TSC22D2: variants seen among roughly 807,000 people sequenced by gnomAD.
The protein encoded by TSC22D2 is TSC22 domain family protein 2.
TSC22D2 carries 5 observed loss-of-function variants against 50.1 expected under a neutral mutation model. The observed-to-expected ratio is 0.10, with a 90% CI of 0.05 to 0.21. The LOEUF (loss-of-function observed/expected upper bound fraction) is 0.21. TSC22D2 is among the 10% of genes least tolerant of loss of function. The probability of loss-of-function intolerance (pLI) is 1.00; values close to 1 mark genes in which losing one functional copy is unlikely to be tolerated. For synonymous variants in TSC22D2, 501 were observed against 450.1 expected (o/e 1.11, Z -1.43); for missense variants, 1,003 against 1,015.5 (o/e 0.99, Z 0.17).
rs776123840 is a variant in TSC22D2, at chr3:150,410,268, G to T, written c.918G>T (p.Met306Ile). Residue 306 changes from methionine to isoleucine, a missense_variant, in exon 1 of 3, where the codon ATG becomes ATT. Physicochemically the swap from Met to Ile is conservative, Grantham distance 10. This residue lies in a region of TSC22D2 where 696 missense variants were observed against 647.8 expected (regional missense o/e 1.07). Transcript: ENST00000688009. ...PGAATGPQPMMAAAQPSQPQG... is the reference protein window; with the variant it reads ...PGAATGPQPMIAAAQPSQPQG... ...CCGCGACCGGGCCGCAGCCAATGAT[G>T]GCAGCCGCGCAGCCCAGCCAGCCCC... The T allele has an allele frequency of 6.4e-7, 1 of 1,557,258 alleles. No homozygotes were observed. Among genetic ancestry groups the T allele is most frequent in the Non-Finnish European group, 8.7e-7 (1 of 1,151,792 alleles).
rs372515184 is a variant in TSC22D2 at position 150,409,563 on chromosome 3, G to C, written c.213G>C (p.Thr71=). 6.3e-5 allele frequency: 101 copies of C among 1,601,232 alleles called. No homozygotes were observed. Among genetic ancestry groups the C allele is most frequent in the East Asian group, 2.5e-4 (11 of 44,426 alleles). Residue 71 remains threonine, a synonymous_variant, in exon 1 of 3, where the codon ACG becomes ACC. Coordinates refer to ENST00000688009, the MANE Select transcript of TSC22D2 (RefSeq NM_001303264.2). The surrounding 1 kb of genome is among the most constrained non-coding windows in gnomAD (Gnocchi z 7.4). ...EVCERSSSEE[T]LNNVGDAETP... ...GCGAGCGCAGCTCTTCCGAAGAGAC[G>C]CTTAACAATGTTGGGGATGCGGAGA...
chr3:150,437,903 A>G (rs1720597399), intron 1 of TSC22D2, among the ~76,000 whole-genome samples: 8 of 152,106 alleles, frequency 5.3e-5, no homozygotes, highest in Admixed American at 5.2e-4. Flanking sequence ...TTTCTACAGG[A>G]CTACAAAGCT....
At chr3:150,414,224 G>A (rs567563484) in intron 1 of TSC22D2, among the ~76,000 whole-genome samples, 1 of 152,254 alleles carries the variant, frequency 6.6e-6, no homozygotes, top group East Asian at 1.9e-4. Context: ...CATTAGAAAG[G>A]TTTATGGTCA....
rs1213192126 is a variant in TSC22D2 at position 150,463,683 on chromosome 3, T to G, written c.*5047T>G. On this transcript the variant is annotated 3_prime_UTR_variant, in exon 3 of 3. Transcript: ENST00000688009. ...TGTGTTCATAGATGAAAATGCTAAG[T>G]GAGGCACTCTGAAGCAAGTTAAAGT... 2.0e-5 allele frequency: 3 copies of G among 152,156 alleles called. No individual in the cohort carries two copies. The highest frequency in any genetic ancestry group is 4.4e-5 in the Non-Finnish European group (3 of 68,032). The allele number at this position is 152,156 out of a possible 1,614,324, so 9.4% of individuals were successfully genotyped here. A position where few individuals can be genotyped will look rare whatever the true frequency, so the allele number is the denominator to read the frequency against.
At chr3:150,426,926 A>G (rs1193313867) in intron 1 of TSC22D2, among the ~76,000 whole-genome samples, 4 of 152,140 alleles carry the variant, frequency 2.6e-5, no homozygotes, top group Admixed American at 2.6e-4. Context: ...AAATAGCCTC[A>G]AGTATTTTGT....
At chr3:150,422,585 C>T (rs1720048973) in intron 1 of TSC22D2, among the ~76,000 whole-genome samples, 1 of 152,128 alleles carries the variant, frequency 6.6e-6, no homozygotes, top group South Asian at 2.1e-4. Context: ...CATTGTTAAT[C>T]AAACCTTTGC....
intron 1 of TSC22D2, among the ~76,000 whole-genome samples, chr3:150,441,691 G>A (rs1720722698): frequency 6.6e-6 from 1 of 151,992 alleles, no homozygotes; most frequent in East Asian, 1.9e-4. Context: ...GAGGTCAAGG[G>A]TGCAGTGAGC....
At chr3:150,443,145 C>A (rs909733997) in intron 1 of TSC22D2, among the ~76,000 whole-genome samples, 1 of 152,198 alleles carries the variant, frequency 6.6e-6, no homozygotes, top group Non-Finnish European at 1.5e-5. Flanking sequence ...GTCATCCAGC[C>A]TCTGAATACC....
At position 150,409,940 on chromosome 3, in the gene TSC22D2, G is replaced by T. The variant is rs754260952; in HGVS notation, c.590G>T (p.Arg197Ile). Residue 197 changes from arginine (R) to isoleucine (I), a missense_variant, in exon 1 of 3, where the codon AGA (arginine) becomes ATA (isoleucine). By Grantham distance (97) the Arg-to-Ile change is moderately conservative. Around this residue, in one of 6 missense-constraint regions of TSC22D2, gnomAD observed 696 missense variants for 647.8 expected, o/e 1.07. Transcript: ENST00000688009. This position sits in a 1 kb window ranked among gnomAD's most constrained non-coding sequence, Gnocchi z 7.4. ...ERDSDSSVLT[R>I]SGDCIRHSST... is the part of the protein sequence containing the mutation. ...GATTCAGACAGCAGCGTCCTGACTA[G>T]ATCCGGGGATTGCATTAGACACAGC... 6.2e-7 allele frequency: 1 copy of T among 1,614,036 alleles called. No homozygotes were observed. Among genetic ancestry groups the T allele is most frequent in the Non-Finnish European group, 8.5e-7 (1 of 1,180,036 alleles).
chr3:150,410,567 C>T lies in TSC22D2; in HGVS notation c.1217C>T (p.Ala406Val). 1 of 1,551,098 alleles carries T rather than the reference C, an allele frequency of 6.4e-7. No individual in the cohort carries two copies. The stretch of plus-strand genomic sequence containing the variant: ...TCCACCGGCGCCGCAGCGAGCCCCG[C>T]CACGGCGGCCACCCTTCCCGTGGGC... ...PSSTGAAASP[A>V]TAATLPVGTG... is the part of the protein sequence containing the mutation. The change falls in exon 1 of 3, where the codon GCC (alanine) becomes GTC (valine). Residue 406 changes from alanine (A) to valine (V), a missense_variant. Around this residue, in one of 6 missense-constraint regions of TSC22D2, gnomAD observed 696 missense variants for 647.8 expected, o/e 1.07. Coordinates refer to ENST00000688009, the MANE Select transcript of TSC22D2 (RefSeq NM_001303264.2).
rs893185681 is a variant in TSC22D2 at position 150,409,775 on chromosome 3, C to T, written c.425C>T (p.Ser142Leu). The change falls in exon 1 of 3, where the codon TCA (serine) becomes TTA (leucine). Residue 142 changes from serine to leucine, a missense_variant. Physicochemically the swap from Ser to Leu is moderately radical, Grantham distance 145. Coordinates refer to ENST00000688009, the MANE Select transcript of TSC22D2 (RefSeq NM_001303264.2). This position sits in a 1 kb window ranked among gnomAD's most constrained non-coding sequence, Gnocchi z 7.4. The part of the protein sequence containing the change: ...GAPGGPQLAG[S>L]SAGPVTAAPS... The stretch of plus-strand genomic sequence containing the variant: ...CCCGGCGGCCCCCAGCTCGCGGGCT[C>T]ATCCGCCGGGCCAGTGACTGCAGCC... 1.4e-5 allele frequency: 23 copies of T among 1,602,214 alleles called. No homozygotes were observed. Among genetic ancestry groups the T allele is most frequent in the Non-Finnish European group, 2.0e-5 (23 of 1,179,324 alleles).
chr3:150,456,907 C>G, intron 1 of TSC22D2, 169 bp from the exon 2 acceptor site: 1 of 615,886 alleles, frequency 1.6e-6, no homozygotes, highest in Non-Finnish European at 2.8e-6. Context: ...CTGAGACTTT[C>G]ATTTTAGAAA....
At position 150,410,553 on chromosome 3, in the gene TSC22D2, C is replaced by A. The variant is rs748957938; in HGVS notation, c.1203C>A (p.Ala401=). Residue 401 remains alanine (A), a synonymous_variant, in exon 1 of 3, where the codon GCC becomes GCA. Transcript: ENST00000688009. ...PSPAQPSSTG[A]AASPATAATL... ...CCGCGCAGCCCTCGTCCACCGGCGC[C>A]GCAGCGAGCCCCGCCACGGCGGCCA... 1.9e-6 allele frequency: 3 copies of A among 1,550,076 alleles called. No individual in the cohort carries two copies. The highest frequency in any genetic ancestry group is 2.0e-5 in the Admixed American group (1 of 50,206).
At chr3:150,420,181 TC>T in intron 1 of TSC22D2, among the ~76,000 whole-genome samples, 1 of 152,330 alleles carries the variant, frequency 6.6e-6, no homozygotes, top group East Asian at 1.9e-4. Flanking sequence ...ATCAAGCCTT[TC>T]AATCTTTACA....
At chr3:150,444,638 A>G (rs1354031726) in intron 1 of TSC22D2, among the ~76,000 whole-genome samples, 3 of 152,234 alleles carry the variant, frequency 2.0e-5, no homozygotes, top group Non-Finnish European at 4.4e-5. Flanking sequence ...AATTCATCAT[A>G]AAAGATTTCA....
In TSC22D2 at chr3:150,408,331, T is replaced by A. The variant is rs1169027398; in HGVS notation, c.-1020T>A. On this transcript the variant is annotated 5_prime_UTR_variant, in exon 1 of 3. Coordinates refer to ENST00000688009, the MANE Select transcript of TSC22D2 (RefSeq NM_001303264.2). ...GCGGCGGCGGCAGCGGGGCTGCTGC[T>A]CCTCCCAGCATCCCTGGCGCGGCCA... 1 of 153,242 alleles carries A rather than the reference T, an allele frequency of 6.5e-6. No homozygotes were observed. 9.5% of individuals were successfully genotyped at this position (153,242 alleles called of 1,614,324 possible).
intron 1 of TSC22D2, among the ~76,000 whole-genome samples, chr3:150,432,669 A>T (rs1428685847): frequency 6.6e-6 from 1 of 152,092 alleles, no homozygotes; most frequent in East Asian, 1.9e-4. Flanking sequence ...CAGGATAAAC[A>T]TAGAACATCT....
chr3:150,427,991 A>G (rs1423221826), intron 1 of TSC22D2, among the ~76,000 whole-genome samples: 1 of 152,190 alleles, frequency 6.6e-6, no homozygotes, highest in South Asian at 2.1e-4. Context: ...ATAGAATACT[A>G]TTAACTAAAC....
At chr3:150,452,746 AG>A (rs1201191785) in intron 1 of TSC22D2, among the ~76,000 whole-genome samples, 1 of 152,194 alleles carries the variant, frequency 6.6e-6, no homozygotes, top group Non-Finnish European at 1.5e-5. Flanking sequence ...AAGCTCATTT[AG>A]TTATTTTGGA....
Sources: allele counts gnomAD v4.1 joint callset (sites outside exome capture counted in the v4.1 genomes callset), GRCh38; gene constraint gnomAD v4.1.1; regional missense constraint gnomAD v4.1.1; non-coding constraint Gnocchi (gnomAD v3.1); transcripts MANE v1.5; gene names NCBI Gene and HGNC (gene_info 2026-07-23, HGNC 2026-07-21).